Variants in TGIF1 observed in about 807,000 individuals in gnomAD.
TGIF1 encodes TGFB induced factor homeobox 1.
TGIF1 carries 4 observed loss-of-function variants against 19.3 expected under a neutral mutation model. That is an observed-to-expected ratio of 0.21 (90% CI 0.10 to 0.47). The LOEUF is 0.47. Among genes scored for constraint, TGIF1 ranks in the 20% least tolerant of loss-of-function variants. The pLI is 0.98. For synonymous variants in TGIF1, 122 were observed against 129.3 expected (o/e 0.94, Z 0.38); for missense variants, 275 against 341.4 (o/e 0.81, Z 1.53).
At chr18:3,429,984 T>A (rs749607956) in intron 2 of TGIF1, among the ~76,000 whole-genome samples, 1 of 152,134 alleles carries the variant, frequency 6.6e-6, no homozygotes, top group South Asian at 2.1e-4. Flanking sequence ...GCAAAACCCC[T>A]TCTCTACTAA....
chr18:3,443,198 G>A (rs1202502743), intron 2 of TGIF1, among the ~76,000 whole-genome samples: 2 of 152,112 alleles, frequency 1.3e-5, no homozygotes, highest in African/African-American at 4.8e-5. Flanking sequence ...TCTATCAGTT[G>A]TTAAATATTT....
chr18:3,426,476 G>A (rs973111590), intron 2 of TGIF1, among the ~76,000 whole-genome samples: 1 of 151,948 alleles, frequency 6.6e-6, no homozygotes, highest in African/African-American at 2.4e-5. Context: ...GCCCAGCTAG[G>A]GTCCACTTAT....
At chr18:3,431,780 A>G (rs917046826) in intron 2 of TGIF1, among the ~76,000 whole-genome samples, 1 of 152,214 alleles carries the variant, frequency 6.6e-6, no homozygotes. Flanking sequence ...TTAATCATCA[A>G]AGTTAACATT....
In TGIF1 at chr18:3,451,609, G is replaced by C. The variant is rs189008702; in HGVS notation, c.16+1104G>C. 73 of 1,065,144 alleles carry C rather than the reference G, an allele frequency of 6.9e-5. No individual in the cohort carries two copies. The highest frequency in any genetic ancestry group is 4.9e-4 in the South Asian group (11 of 22,572). 66.0% of individuals were successfully genotyped at this position (1,065,144 alleles called of 1,614,324 possible). Reference sequence around the variant, plus strand: ...TGGAACTCCACATTCTTTCAGACCCGGCCCGCTGCGGGGCGTTCCTGGGGG... The same window carrying C: ...TGGAACTCCACATTCTTTCAGACCCCGCCCGCTGCGGGGCGTTCCTGGGGG... On this transcript the variant is annotated intron_variant, in intron 1 of 2. Transcript: ENST00000343820. This position sits in a 1 kb window ranked among gnomAD's most constrained non-coding sequence, Gnocchi z 5.4.
rs778976778 is a variant in TGIF1, at chr18:3,456,611, G to A, written c.243+31G>A. On this transcript the variant is annotated intron_variant, in intron 2 of 2. Transcript: ENST00000343820. The surrounding 1 kb of genome is among the most constrained non-coding windows in gnomAD (Gnocchi z 4.2). ...GAAAGAGAGCGTGAGGTTTATGGAT[G>A]CATTTTTAGTTTCAAAGTCATTTTA... 4.3e-5 allele frequency: 69 copies of A among 1,599,966 alleles called. No individual in the cohort carries two copies. Among genetic ancestry groups the A allele is most frequent in the Non-Finnish European group, 5.7e-5 (66 of 1,167,950 alleles).
rs1222221170 is a variant in TGIF1, at chr18:3,451,382, C to T, written c.16+877C>T. ...GGTGGAGAAACCACACAAAACACCC[C>T]GAAAGGTCAGAGTGTGAAGTCCCTT... is the stretch of plus-strand genomic sequence containing the variant. On this transcript the variant is annotated intron_variant, in intron 1 of 2. Coordinates refer to ENST00000343820, the MANE Select transcript of TGIF1 (RefSeq NM_003244.4). The surrounding 1 kb of genome is among the most constrained non-coding windows in gnomAD (Gnocchi z 5.4). 9.2e-6 allele frequency: 9 copies of T among 981,116 alleles called. No individual in the cohort carries two copies. The highest frequency in any genetic ancestry group is 1.1e-5 in the Non-Finnish European group (9 of 829,616). The allele number at this position is 981,116 out of a possible 1,614,324, so 60.8% of individuals were successfully genotyped here.
chr18:3,426,916 CTTTTTTTTTTTT>C (rs545236407), intron 2 of TGIF1, among the ~76,000 whole-genome samples: 2 of 100,088 alleles, frequency 2.0e-5, no homozygotes, highest in Non-Finnish European at 3.9e-5. Flanking sequence ...AGGATGATCT[CTTTTTTTTTTTT>C]TTTTTTTTTT....
chr18:3,449,767 A>C (rs2082840807), upstream of TGIF1: 3 of 985,490 alleles, frequency 3.0e-6, no homozygotes, highest in African/African-American at 5.2e-5. Flanking sequence ...GCTGTCAAAA[A>C]CGAGACGGGG....
chr18:3,442,974 C>T (rs1008561070), intron 2 of TGIF1, among the ~76,000 whole-genome samples: 1 of 152,180 alleles, frequency 6.6e-6, no homozygotes, highest in African/African-American at 2.4e-5. Flanking sequence ...TAGGTAAGAT[C>T]ATTTGGAGGC....
chr18:3,452,092 C>A, intron 1 of TGIF1: 2 of 1,614,058 alleles, frequency 1.2e-6, no homozygotes, highest in Non-Finnish European at 1.7e-6. Context: ...CCCGGGAATC[C>A]CCAGTGCTCC....
At chr18:3,447,641 A>G, upstream of TGIF1, 1 of 1,367,396 alleles carries the variant, frequency 7.3e-7, no homozygotes, top group Non-Finnish European at 1.0e-6. Context: ...GTGGGGGTGC[A>G]TCTACGGGAG....
chr18:3,458,380 T>G lies in TGIF1; in HGVS notation c.*440T>G, dbSNP rs1268841837. The G allele has an allele frequency of 1.2e-5, 2 of 169,990 alleles. No homozygotes were observed. Among genetic ancestry groups the G allele is most frequent in the African/African-American group, 4.8e-5 (2 of 41,536 alleles). The allele number at this position is 169,990 out of a possible 1,614,324, so 10.5% of individuals were successfully genotyped here. On this transcript the variant is annotated 3_prime_UTR_variant, in exon 3 of 3. Coordinates refer to ENST00000343820, the MANE Select transcript of TGIF1 (RefSeq NM_003244.4). Reference sequence around the variant, plus strand: ...AATCTAGTTGGTTGATGCCTTTTTTTTCATGACATAATAAAGTATTTTCTT... The same window carrying G: ...AATCTAGTTGGTTGATGCCTTTTTTGTCATGACATAATAAAGTATTTTCTT...
At chr18:3,452,399 GA>G in intron 1 of TGIF1, 1 of 1,613,160 alleles carries the variant, frequency 6.2e-7, no homozygotes, top group Non-Finnish European at 8.5e-7. Flanking sequence ...GGCTGAAGGG[GA>G]AACTTTGCGA....
intron 1 of TGIF1, chr18:3,452,114 T>G (rs761167003): frequency 1.9e-6 from 3 of 1,613,800 alleles, no homozygotes; most frequent in Admixed American, 1.7e-5. Flanking sequence ...TTTCCACGGC[T>G]TTTCTGGCGT....
rs1293245747 is a variant in TGIF1 at position 3,456,955 on chromosome 18, C to T, written c.243+375C>T. The T allele has an allele frequency of 3.5e-6, 2 of 578,180 alleles. No individual in the cohort carries two copies. Among genetic ancestry groups the T allele is most frequent in the Non-Finnish European group, 6.1e-6 (2 of 328,810 alleles). The allele number at this position is 578,180 out of a possible 1,614,324, so 35.8% of individuals were successfully genotyped here. A position where few individuals can be genotyped will look rare whatever the true frequency, so the allele number is the denominator to read the frequency against. On this transcript the variant is annotated intron_variant, in intron 2 of 2. Coordinates refer to ENST00000343820, the MANE Select transcript of TGIF1 (RefSeq NM_003244.4). This position sits in a 1 kb window ranked among gnomAD's most constrained non-coding sequence, Gnocchi z 4.2. ...CATTTGAACTGGGAAAAATCAGTTA[C>T]TGGGAGGAGTGGCCCTTTTCATAAG...
At chr18:3,443,936 CTT>C (rs953476419) in intron 2 of TGIF1, among the ~76,000 whole-genome samples, 22 of 137,420 alleles carry the variant, frequency 1.6e-4, no homozygotes, top group Admixed American at 2.9e-4. Flanking sequence ...TGTATTCTTT[CTT>C]TTTTTTTTTT....
At position 3,450,195 on chromosome 18, in the gene TGIF1, C is replaced by A; in HGVS notation, c.-295C>A. ...TCACTCTGACAGCGCCGAGGTGCGCCGAGCAGGAGCAGGGAACAAAGGAGC... is the reference window on the plus strand; with the variant it reads ...TCACTCTGACAGCGCCGAGGTGCGCAGAGCAGGAGCAGGGAACAAAGGAGC... On this transcript the variant is annotated 5_prime_UTR_variant, in exon 1 of 3. Coordinates refer to ENST00000343820, the MANE Select transcript of TGIF1 (RefSeq NM_003244.4). 7.4e-7 allele frequency: 1 copy of A among 1,358,476 alleles called. No homozygotes were observed. Among genetic ancestry groups the A allele is most frequent in the Non-Finnish European group, 9.5e-7 (1 of 1,054,486 alleles). 84.2% of individuals were successfully genotyped at this position (1,358,476 alleles called of 1,614,324 possible). A position where few individuals can be genotyped will look rare whatever the true frequency, so the allele number is the denominator to read the frequency against.
Position 3,457,210 on chromosome 18 carries a change from C to G in TGIF1, c.244-155C>G, listed in dbSNP as rs1378036506. 1 of 884,088 alleles carries G rather than the reference C, an allele frequency of 1.1e-6. No individual in the cohort carries two copies. Among genetic ancestry groups the G allele is most frequent in the Admixed American group, 2.1e-5 (1 of 46,958 alleles). 54.8% of individuals were successfully genotyped at this position (884,088 alleles called of 1,614,324 possible). A position where few individuals can be genotyped will look rare whatever the true frequency, so the allele number is the denominator to read the frequency against. On this transcript the variant is annotated intron_variant, in intron 2 of 2. Transcript: ENST00000343820. The surrounding 1 kb of genome is among the most constrained non-coding windows in gnomAD (Gnocchi z 4.9). ...GGTAGCTTGCTTTCTTGGCGGAGCT[C>G]AGATACCTTGAAATAACATTGTAAA...
In TGIF1 at chr18:3,457,748, A is replaced by G. The variant is rs1267126690; in HGVS notation, c.627A>G (p.Thr209=). Residue 209 remains threonine (T), a synonymous_variant, in exon 3 of 3, where the codon ACA becomes ACG. Transcript: ENST00000343820. The surrounding 1 kb of genome is among the most constrained non-coding windows in gnomAD (Gnocchi z 4.9). The part of the protein sequence containing the change: ...DIQQIAAKNF[T]DTSLMYPEDT... ...AGCAGATAGCGGCCAAAAACTTCAC[A>G]GACACCTCTCTCATGTACCCAGAGG... 1 of 1,614,228 alleles carries G rather than the reference A, an allele frequency of 6.2e-7. No individual in the cohort carries two copies. The highest frequency in any genetic ancestry group is 1.7e-5 in the Admixed American group (1 of 60,028).
Sources: gnomAD v4.1 joint callset for allele counts (sites outside exome capture counted in the v4.1 genomes callset) on GRCh38, gnomAD v4.1.1 for gene constraint, Gnocchi (gnomAD v3.1) non-coding constraint, MANE v1.5 for transcripts, NCBI Gene and HGNC (gene_info 2026-07-23, HGNC 2026-07-21) for gene names.